The following MYO15A variants were observed in gnomAD, a reference collection of about 807,000 sequenced individuals.
MYO15A encodes myosin XVA, also known as unconventional myosin-XV.
Under a neutral mutation model 394.6 loss-of-function variants are expected in MYO15A, and 308 were observed. The ratio of observed to expected loss-of-function variants is 0.78; its 90% CI spans 0.71 to 0.86. The LOEUF (loss-of-function observed/expected upper bound fraction) is 0.86, where lower values mean the gene tolerates loss of function less well. Ranked by LOEUF, MYO15A falls within the 40% of genes least tolerant of loss-of-function variation. The pLI is 0.00. For missense variants in MYO15A, 4,606 were observed against 4,799.1 expected (o/e 0.96, Z 1.19); for synonymous variants, 1,957 against 2,003.8 (o/e 0.98, Z 0.62).
chr17:18,128,091 G>T (rs372972347), intron 7 of MYO15A, among the ~76,000 whole-genome samples: 2 of 152,030 alleles, frequency 1.3e-5, no homozygotes, highest in Admixed American at 6.6e-5. Context: ...GGGTCCAGGT[G>T]CAGGTCAAAG....
Position 18,118,616 on chromosome 17 carries a change from A to T in MYO15A, c.-185A>T. The T allele has an allele frequency of 1.3e-6, 1 of 795,104 alleles. No homozygotes were observed. The highest frequency in any genetic ancestry group is 2.0e-6 in the Non-Finnish European group (1 of 509,812). 49.3% of individuals were successfully genotyped at this position (795,104 alleles called of 1,614,324 possible). On this transcript the variant is annotated 5_prime_UTR_variant, in exon 2 of 66. It removes an upstream start codon present in the reference 5' UTR. Coordinates refer to ENST00000647165, the MANE Select transcript of MYO15A (RefSeq NM_016239.4). ...CAAGGCGCTCTAGAGGAGATGAATT[A>T]TGGATCCGCCCTCCCGGAATCCTGG...
intron 44 of MYO15A, 60 bp downstream of exon 44, chr17:18,154,250 G>C (rs192804058): frequency 1.9e-6 from 3 of 1,589,514 alleles, no homozygotes; most frequent in Non-Finnish European, 2.6e-6. Context: ...TGGACGCAAA[G>C]ATGAGCTAGC....
At chr17:18,160,420 T>G (rs1362508748) in intron 56 of MYO15A, among the ~76,000 whole-genome samples, 2 of 152,228 alleles carry the variant, frequency 1.3e-5, no homozygotes, top group African/African-American at 2.4e-5. Context: ...CTTTCCTCTG[T>G]GTTGATCATT....
At position 18,155,440 on chromosome 17, in the gene MYO15A, G is replaced by A. The variant is rs751267693; in HGVS notation, c.8459+8G>A. On this transcript the variant is annotated splice_region_variant and intron_variant, in intron 47 of 65. Transcript: ENST00000647165. The stretch of plus-strand genomic sequence containing the variant: ...GGTCCTGCGTGCATACAGGTGACCA[G>A]CAGGGGTGAAGTGGGGCTGGCTGGA... 1.2e-6 allele frequency: 2 copies of A among 1,610,824 alleles called. No homozygotes were observed. The highest frequency in any genetic ancestry group is 1.7e-6 in the Non-Finnish European group (2 of 1,178,410).
Position 18,149,334 on chromosome 17 carries a change from A to G in MYO15A, c.7075A>G (p.Asn2359Asp), listed in dbSNP as rs559255351. 8 of 1,611,630 alleles carry G rather than the reference A, an allele frequency of 5.0e-6. 1 individual carries two copies. The South Asian group carries it at 8.8e-5, about 18-fold the overall frequency. The change falls in exon 34 of 66, where the codon AAT (asparagine) becomes GAT (aspartate). Residue 2359 changes from asparagine to aspartate, a missense_variant. By Grantham distance (23) the Asn-to-Asp change is conservative (BLOSUM62 1). Around this residue, in one of 2 missense-constraint regions of MYO15A, gnomAD observed 2,776 missense variants for 3,109.3 expected, o/e 0.89. Transcript: ENST00000647165. ...GYSSHNQDGT[N>D]GETEAQRGTA... ...CAGCAGCCACAATCAGGACGGTACAAATGGGGAGACTGAGGCCCAAAGAGG... is the reference window on the plus strand; with the variant it reads ...CAGCAGCCACAATCAGGACGGTACAGATGGGGAGACTGAGGCCCAAAGAGG...
chr17:18,158,577 C>T lies in MYO15A; in HGVS notation c.9022C>T (p.Pro3008Ser), dbSNP rs1262754719. Residue 3008 changes from proline to serine, a missense_variant, in exon 52 of 66, where the codon CCA (proline) becomes TCA (serine). Physicochemically the swap from Pro to Ser is moderately conservative, Grantham distance 74 (BLOSUM62 -1). This residue lies in a region of MYO15A where 2,776 missense variants were observed against 3,109.3 expected (regional missense o/e 0.89). Transcript: ENST00000647165. ...ADHGEDALAL[P>S]PYTMLEFAQK... ...CCATGGGGAGGACGCCCTGGCGCTC[C>T]CACCCTACACAATGCTCGAGTTTGC... 1.9e-6 allele frequency: 3 copies of T among 1,614,160 alleles called. No individual in the cohort carries two copies. Among genetic ancestry groups the T allele is most frequent in the Admixed American group, 1.7e-5 (1 of 60,022 alleles).
intron 10 of MYO15A, among the ~76,000 whole-genome samples, chr17:18,131,913 G>A (rs1039276525): frequency 6.6e-6 from 1 of 151,984 alleles, no homozygotes; most frequent in Non-Finnish European, 1.5e-5. Flanking sequence ...CCCCTACCCC[G>A]TCCACTGCTT....
At chr17:18,138,687 A>C in intron 17 of MYO15A, 124 bp from the exon 18 acceptor site, 1 of 1,343,566 alleles carries the variant, frequency 7.4e-7, no homozygotes, top group Non-Finnish European at 1.0e-6. Context: ...CAGCCATGGG[A>C]AGCTGTGAGT....
Position 18,125,277 on chromosome 17 carries a change from A to G in MYO15A, c.3756+46A>G, listed in dbSNP as rs774917159. The G allele has an allele frequency of 4.4e-6, 7 of 1,585,820 alleles. 1 individual carries two copies. In the South Asian group the frequency reaches 6.6e-5, roughly 15 times the overall value. ...TGCCCTGGGCCTAGGTCAGGAAGGC[A>G]GCTGCCTCCTGGGGCCGGGTGGGAC... On this transcript the variant is annotated intron_variant, in intron 4 of 65. Transcript: ENST00000647165.
In MYO15A at chr17:18,147,051, C is replaced by T. The variant is rs552334235; in HGVS notation, c.6509+944C>T. ...CATGGTAGGTGCTATGTGGGTATAA[C>T]CATCACAATGATGTCACCCTGCTGG... On this transcript the variant is annotated intron_variant, in intron 30 of 65. Coordinates refer to ENST00000647165, the MANE Select transcript of MYO15A (RefSeq NM_016239.4). This position sits in a 1 kb window ranked among gnomAD's most constrained non-coding sequence, Gnocchi z 4.4. Among the ~76,000 whole-genome samples the T allele has an allele frequency of 2.2e-4, 33 of 152,296 alleles. No homozygotes were observed. Among genetic ancestry groups the T allele is most frequent in the African/African-American group, 7.9e-4 (33 of 41,570 alleles).
In MYO15A at chr17:18,150,627, T is replaced by A. The variant is rs2046562447; in HGVS notation, c.7328-71T>A. The A allele has an allele frequency of 6.2e-7, 1 of 1,605,844 alleles. No homozygotes were observed. Among genetic ancestry groups the A allele is most frequent in the Non-Finnish European group, 8.5e-7 (1 of 1,174,950 alleles). ...TGCTAGAATGGAGGCAGCCACAGCATGATGGGGGCTGAGAGGACAGGGAGG... is the reference window on the plus strand; with the variant it reads ...TGCTAGAATGGAGGCAGCCACAGCAAGATGGGGGCTGAGAGGACAGGGAGG... On this transcript the variant is annotated intron_variant, in intron 36 of 65. Coordinates refer to ENST00000647165, the MANE Select transcript of MYO15A (RefSeq NM_016239.4). This position sits in a 1 kb window ranked among gnomAD's most constrained non-coding sequence, Gnocchi z 4.4.
At position 18,156,233 on chromosome 17, in the gene MYO15A, ACATGCTGGAGTT is replaced by A; in HGVS notation, c.8501_8512del (p.Met2834_Phe2837del). On this transcript the variant is annotated inframe_deletion, in exon 48 of 66. Coordinates refer to ENST00000647165, the MANE Select transcript of MYO15A (RefSeq NM_016239.4). Reference sequence around the variant, plus strand: ...CTGTTTGTGACCATGCCCTCCCAGAACATGCTGGAGTTCAACCTGGCCAGTGAGAAGGTCATC... The same window carrying A: ...CTGTTTGTGACCATGCCCTCCCAGAACAACCTGGCCAGTGAGAAGGTCATC... The A allele has an allele frequency of 6.2e-7, 1 of 1,614,170 alleles. No individual in the cohort carries two copies. The highest frequency in any genetic ancestry group is 8.5e-7 in the Non-Finnish European group (1 of 1,180,020).
At position 18,132,368 on chromosome 17, in the gene MYO15A, G is replaced by T. The variant is rs2046182801; in HGVS notation, c.4207-85G>T. 2 of 1,064,640 alleles carry T rather than the reference G, an allele frequency of 1.9e-6. No individual in the cohort carries two copies. Among genetic ancestry groups the T allele is most frequent in the Admixed American group, 3.5e-5 (2 of 57,064 alleles). The allele number at this position is 1,064,640 out of a possible 1,614,324, so 65.9% of individuals were successfully genotyped here. A position where few individuals can be genotyped will look rare whatever the true frequency, so the allele number is the denominator to read the frequency against. On this transcript the variant is annotated intron_variant, in intron 10 of 65. Transcript: ENST00000647165. The surrounding 1 kb of genome is among the most constrained non-coding windows in gnomAD (Gnocchi z 4.6). Reference sequence around the variant, plus strand: ...CAGCCCACTGTGTGCATGTGCACTTGTGGGCAGGCTTGGGCTTGTATGTGT... The same window carrying T: ...CAGCCCACTGTGTGCATGTGCACTTTTGGGCAGGCTTGGGCTTGTATGTGT...
intron 50 of MYO15A, 44 bp downstream of exon 50, chr17:18,157,274 G>A (rs1265256312): frequency 1.3e-6 from 2 of 1,564,100 alleles, no homozygotes; most frequent in East Asian, 4.8e-5. Flanking sequence ...GCGCATCCTA[G>A]TTTCACCCAC....
Position 18,121,223 on chromosome 17 carries a change from C to G in MYO15A, c.2423C>G (p.Pro808Arg). The G allele has an allele frequency of 6.7e-7, 1 of 1,491,330 alleles. No homozygotes were observed. The highest frequency in any genetic ancestry group is 8.9e-7 in the Non-Finnish European group (1 of 1,126,490). 92.4% of individuals were successfully genotyped at this position (1,491,330 alleles called of 1,614,324 possible). ...TCCTTGCGCACGGGCCCCTTCCAGC[C>G]GCCCTTCCTGCCCCCGGCCCGCCGG... is the stretch of plus-strand genomic sequence containing the variant. ...QLSLRTGPFQ[P>R]PFLPPARRPR... Residue 808 changes from proline (P) to arginine (R), a missense_variant, in exon 2 of 66, where the codon CCG (proline) becomes CGG (arginine). Physicochemically the swap from Pro to Arg is moderately radical, Grantham distance 103. Transcript: ENST00000647165. The surrounding 1 kb of genome is among the most constrained non-coding windows in gnomAD (Gnocchi z 5.3).
rs777112605 is a variant in MYO15A, at chr17:18,136,415, A to G, written c.4597-2A>G. ...TCACTCAAGGGCTGTGCCCGTCCCT[A>G]GGAGACAATGCGAGAGAAGATCTTC... On this transcript the variant is annotated splice_acceptor_variant, in intron 13 of 65. Transcript: ENST00000647165. LOFTEE classifies it high-confidence loss of function. 2 of 1,613,684 alleles carry G rather than the reference A, an allele frequency of 1.2e-6. No individual in the cohort carries two copies. Among genetic ancestry groups the G allele is most frequent in the South Asian group, 2.2e-5 (2 of 91,086 alleles).
chr17:18,173,814 C>G lies in MYO15A; in HGVS notation c.10384C>G (p.Gln3462Glu). ...LMVKFPLKEI[Q>E]STRTQRPTAN... ...GGTGAAGTTCCCCCTGAAGGAGATC[C>G]AGTCGACGCGGACCCAGCGGCCCAC... Residue 3462 changes from glutamine to glutamate, a missense_variant, in exon 65 of 66, where the codon CAG (glutamine) becomes GAG (glutamate). By Grantham distance (29) the Gln-to-Glu change is conservative. Around this residue, in one of 2 missense-constraint regions of MYO15A, gnomAD observed 2,776 missense variants for 3,109.3 expected, o/e 0.89. Transcript: ENST00000647165. The G allele has an allele frequency of 6.2e-7, 1 of 1,613,988 alleles. No homozygotes were observed. The highest frequency in any genetic ancestry group is 8.5e-7 in the Non-Finnish European group (1 of 1,180,038).
chr17:18,164,521 C>T (rs1238324063), intron 60 of MYO15A: 2 of 154,816 alleles, frequency 1.3e-5, no homozygotes, highest in Admixed American at 6.4e-5. Flanking sequence ...ATTTATTGAA[C>T]GGATGCTGTG....
chr17:18,119,049 G>A lies in MYO15A; in HGVS notation c.249G>A (p.Thr83=), dbSNP rs745436438. 10 of 1,612,356 alleles carry A rather than the reference G, an allele frequency of 6.2e-6. No homozygotes were observed. The East Asian group carries it at 1.8e-4, about 29-fold the overall frequency. Reference sequence around the variant, plus strand: ...AGGCCCGCACCGTGCTCAAGTCCACGTCAAAGCTCATGACGCAGATGCGCA... The same window carrying A: ...AGGCCCGCACCGTGCTCAAGTCCACATCAAAGCTCATGACGCAGATGCGCA... ...KRKARTVLKS[T]SKLMTQMRMG... is the part of the protein sequence containing the mutation. The change falls in exon 2 of 66, where the codon ACG becomes ACA. Residue 83 remains threonine, a synonymous_variant. Coordinates refer to ENST00000647165, the MANE Select transcript of MYO15A (RefSeq NM_016239.4).
Sources: allele counts gnomAD v4.1 joint callset (sites outside exome capture counted in the v4.1 genomes callset), GRCh38; gene constraint gnomAD v4.1.1; regional missense constraint gnomAD v4.1.1; non-coding constraint Gnocchi (gnomAD v3.1); transcripts MANE v1.5; gene names NCBI Gene and HGNC (gene_info 2026-07-23, HGNC 2026-07-21).